LRRK2: variants seen among roughly 807,000 people sequenced by gnomAD.
LRRK2 encodes leucine rich repeat kinase 2.
LRRK2 carries 203 observed loss-of-function variants against 302.6 expected under a neutral mutation model. That is an observed-to-expected ratio of 0.67 (90% CI 0.60 to 0.75). The LOEUF (loss-of-function observed/expected upper bound fraction) is 0.75. Among genes scored for constraint, LRRK2 ranks in the 30% least tolerant of loss-of-function variants. LRRK2 has a pLI of 0.00. For missense variants in LRRK2, 2,830 were observed against 2,951.0 expected (o/e 0.96, Z 0.95); for synonymous variants, 1,066 against 1,031.9 (o/e 1.03, Z -0.63).
chr12:40,347,104 T>C (rs1307044070), intron 42 of LRRK2, among the ~76,000 whole-genome samples, 181 bp downstream of exon 42: 1 of 152,208 alleles, frequency 6.6e-6, no homozygotes, highest in African/African-American at 2.4e-5. Context: ...GTAGCAGTTT[T>C]AGGCTTTTTA....
At chr12:40,314,269 G>C in intron 32 of LRRK2, 96 bp downstream of exon 32, 1 of 1,263,444 alleles carries the variant, frequency 7.9e-7, no homozygotes, top group Non-Finnish European at 1.1e-6. Context: ...AAAGTTGAGA[G>C]AATATCCATA....
chr12:40,293,970 A>G (rs1944270557), intron 21 of LRRK2, among the ~76,000 whole-genome samples: 1 of 150,298 alleles, frequency 6.7e-6, no homozygotes, highest in South Asian at 2.1e-4. Context: ...TCCATGTCTG[A>G]AAAGAGCCCA....
rs773715764 is a variant in LRRK2, at chr12:40,340,429, G to A, written c.6084G>A (p.Gly2028=). 2.4e-5 allele frequency: 39 copies of A among 1,613,818 alleles called. No individual in the cohort carries two copies. Among genetic ancestry groups the A allele is most frequent in the Non-Finnish European group, 3.3e-5 (39 of 1,179,796 alleles). ...TTGCTCAGTACTGCTGTAGAATGGG[G>A]ATAAAAACATCAGAGGGCACACCAG... ...YGIAQYCCRM[G]IKTSEGTPGF... Residue 2028 remains glycine (G), a synonymous_variant, in exon 41 of 51, where the codon GGG becomes GGA. Coordinates refer to ENST00000298910, the MANE Select transcript of LRRK2 (RefSeq NM_198578.4).
chr12:40,281,580 A>G (rs763218973), intron 18 of LRRK2, among the ~76,000 whole-genome samples: 1 of 152,320 alleles, frequency 6.6e-6, no homozygotes, highest in Non-Finnish European at 1.5e-5. Context: ...GAGCAGTAGT[A>G]TTTTCCTGTC....
At chr12:40,326,689 TTC>T (rs1209495840) in intron 38 of LRRK2, among the ~76,000 whole-genome samples, 1 of 152,102 alleles carries the variant, frequency 6.6e-6, no homozygotes, top group Non-Finnish European at 1.5e-5. Context: ...CTTGCTTTCT[TTC>T]TCTTTTCCCT....
intron 39 of LRRK2, 126 bp downstream of exon 39, chr12:40,328,586 T>A (rs1945620837): frequency 1.4e-6 from 1 of 707,838 alleles, no homozygotes; most frequent in African/African-American, 1.8e-5. Flanking sequence ...AATTATGCAA[T>A]CCTAGTTTGT....
chr12:40,265,860 C>G (rs957064831), intron 14 of LRRK2, among the ~76,000 whole-genome samples: 1 of 152,112 alleles, frequency 6.6e-6, no homozygotes, highest in Non-Finnish European at 1.5e-5. Context: ...TATCTACAAC[C>G]ATCTGATCTT....
intron 18 of LRRK2, among the ~76,000 whole-genome samples, chr12:40,283,024 G>T: frequency 6.7e-6 from 1 of 150,310 alleles, no homozygotes. Context: ...AGTAATAATT[G>T]CTATGGCATA....
rs1431402247 is a variant in LRRK2 at position 40,298,335 on chromosome 12, T to G, written c.3189T>G (p.Leu1063=). The change falls in exon 24 of 51, where the codon CTT becomes CTG. Residue 1063 remains leucine (L), a synonymous_variant. Coordinates refer to ENST00000298910, the MANE Select transcript of LRRK2 (RefSeq NM_198578.4). ...TGAAAATGAGTTGTATTGCTAATCT[T>G]GATGTCTCTCGAAATGACATTGGAC... ...YLLKMSCIAN[L]DVSRNDIGPS... is the part of the protein sequence containing the mutation. The G allele has an allele frequency of 6.2e-7, 1 of 1,613,978 alleles. No homozygotes were observed. Among genetic ancestry groups the G allele is most frequent in the African/African-American group, 1.3e-5 (1 of 75,022 alleles).
rs1946836390 is a variant in LRRK2, at chr12:40,365,046, G to T, written c.7386G>T (p.Gln2462His). The T allele has an allele frequency of 6.2e-7, 1 of 1,611,226 alleles. No individual in the cohort carries two copies. The highest frequency in any genetic ancestry group is 1.1e-5 in the South Asian group (1 of 91,002). The stretch of plus-strand genomic sequence containing the variant: ...CGGTCAGAGTCATGATGACAGCACA[G>T]CTAGGCAAGTTTCTTTCCTTTAGAT... Reference protein sequence around the residue: ...CNSVRVMMTAQLGSLKNVMLV... With the variant: ...CNSVRVMMTAHLGSLKNVMLV... Residue 2462 changes from glutamine (Q) to histidine (H), a missense_variant, in exon 49 of 51, where the codon CAG becomes CAT. Physicochemically the swap from Gln to His is conservative, Grantham distance 24. Transcript: ENST00000298910.
At position 40,305,844 on chromosome 12, in the gene LRRK2, G is replaced by A. The variant is rs1944801498; in HGVS notation, c.3837G>A (p.Leu1279=). 6.2e-7 allele frequency: 1 copy of A among 1,613,398 alleles called. No individual in the cohort carries two copies. The highest frequency in any genetic ancestry group is 1.3e-5 in the African/African-American group (1 of 74,796). Residue 1279 remains leucine (L), a synonymous_variant, in exon 28 of 51, where the codon TTG becomes TTA. Coordinates refer to ENST00000298910, the MANE Select transcript of LRRK2 (RefSeq NM_198578.4). Reference sequence around the variant, plus strand: ...CATCTCTGGATGTCAGTTACAACTTGGAACTAAGATCCTTTCCCAATGAAA... The same window carrying A: ...CATCTCTGGATGTCAGTTACAACTTAGAACTAAGATCCTTTCCCAATGAAA... The part of the protein sequence containing the change: ...NLTSLDVSYN[L]ELRSFPNEMG...
Position 40,225,043 on chromosome 12 carries a change from C to G in LRRK2, c.-89C>G. 3.2e-6 allele frequency: 5 copies of G among 1,554,734 alleles called. No individual in the cohort carries two copies. The highest frequency in any genetic ancestry group is 4.4e-6 in the Non-Finnish European group (5 of 1,138,112). ...CTGCGGGCGGTGAGCTGAGCTCGCC[C>G]CCGGGGAGCTGTGGCCGGCGCCCCT... On this transcript the variant is annotated 5_prime_UTR_variant, in exon 1 of 51. Transcript: ENST00000298910.
At chr12:40,308,979 T>C in intron 29 of LRRK2, 127 bp from the exon 30 acceptor site, 2 of 1,095,748 alleles carry the variant, frequency 1.8e-6, no homozygotes, top group Admixed American at 4.8e-5. Context: ...CTAAACATGG[T>C]CTGTTGTTTT....
At chr12:40,291,526 G>T (rs1944159586) in intron 20 of LRRK2, among the ~76,000 whole-genome samples, 1 of 151,588 alleles carries the variant, frequency 6.6e-6, no homozygotes, top group South Asian at 2.1e-4. Flanking sequence ...AATATTTGGA[G>T]ATTTTCTGGA....
At chr12:40,271,045 G>C (rs1365880382) in intron 14 of LRRK2, among the ~76,000 whole-genome samples, 1 of 152,004 alleles carries the variant, frequency 6.6e-6, no homozygotes, top group Non-Finnish European at 1.5e-5. Context: ...CCAAAGTGCT[G>C]AGATTACAAA....
rs1944592409 is a variant in LRRK2 at position 40,300,732 on chromosome 12, A to G, written c.3496+1475A>G. Reference sequence around the variant, plus strand: ...CTCTGTCCTTAAGGAACTTGTGATTAAGTTCAGAGCACAGACAAACATTAA... The same window carrying G: ...CTCTGTCCTTAAGGAACTTGTGATTGAGTTCAGAGCACAGACAAACATTAA... On this transcript the variant is annotated intron_variant, in intron 25 of 50. Transcript: ENST00000298910. The G allele has an allele frequency of 8.6e-6, 4 of 464,428 alleles. 1 individual carries two copies. The highest frequency in any genetic ancestry group is 3.1e-5 in the South Asian group (2 of 63,990). 28.8% of individuals were successfully genotyped at this position (464,428 alleles called of 1,614,324 possible).
At chr12:40,367,115 A>C (rs762201514) in intron 50 of LRRK2, 38 bp downstream of exon 50, 2 of 1,360,250 alleles carry the variant, frequency 1.5e-6, no homozygotes, top group Non-Finnish European at 2.1e-6. Flanking sequence ...AAACAGGGCA[A>C]TGATGTGAAT....
intron 13 of LRRK2, 143 bp downstream of exon 13, chr12:40,259,747 G>T: frequency 1.0e-6 from 1 of 1,002,702 alleles, no homozygotes; most frequent in South Asian, 1.5e-5. Context: ...CCAAAAAGAG[G>T]TTAAATATGA....
chr12:40,251,042 T>C (rs1485458898), intron 8 of LRRK2, among the ~76,000 whole-genome samples, 190 bp from the exon 9 acceptor site: 1 of 151,628 alleles, frequency 6.6e-6, no homozygotes. Context: ...ATTTTATTAT[T>C]TATCTGGATA....
Sources: allele counts gnomAD v4.1 joint callset (sites outside exome capture counted in the v4.1 genomes callset), GRCh38; gene constraint gnomAD v4.1.1; transcripts MANE v1.5; gene names NCBI Gene and HGNC (gene_info 2026-07-23, HGNC 2026-07-21).